The following CALD1 variants were observed in gnomAD, a reference collection of about 807,000 sequenced individuals.
CALD1 encodes the protein caldesmon.
Under a neutral mutation model 99.9 loss-of-function variants are expected in CALD1, and 33 were observed. That is an observed-to-expected ratio of 0.33 (90% CI 0.25 to 0.44). CALD1 has a LOEUF of 0.44. Ranked by LOEUF, CALD1 falls within the 20% of genes least tolerant of loss-of-function variation. The pLI, the probability that CALD1 is intolerant of heterozygous loss-of-function variation, is 1.00. For synonymous variants in CALD1, 310 were observed against 325.0 expected (o/e 0.95, Z 0.50); for missense variants, 861 against 962.1 (o/e 0.89, Z 1.39).
intron 3 of CALD1, among the ~76,000 whole-genome samples, chr7:134,871,661 G>C (rs772923839): frequency 1.6e-4 from 25 of 152,098 alleles, no homozygotes; most frequent in Non-Finnish European, 3.5e-4. Flanking sequence ...ACAGTGTGGG[G>C]GATGGGGTAT....
chr7:134,737,807 G>C, the CALD1 span, among the ~76,000 whole-genome samples: 2 of 152,160 alleles, frequency 1.3e-5, no homozygotes, highest in East Asian at 3.9e-4. Flanking sequence ...TCTCTCTGGA[G>C]TATTTTTGTA....
intron 3 of CALD1, among the ~76,000 whole-genome samples, chr7:134,874,024 G>A (rs1801229419): frequency 6.6e-6 from 1 of 152,162 alleles, no homozygotes; most frequent in African/African-American, 2.4e-5. Context: ...AGGAATGCGT[G>A]ACTGACTGAA....
chr7:134,871,531 T>C (rs540486224), intron 3 of CALD1, among the ~76,000 whole-genome samples: 1 of 152,220 alleles, frequency 6.6e-6, no homozygotes, highest in South Asian at 2.1e-4. Flanking sequence ...TTACAACCTA[T>C]CTAAAATGAA....
chr7:134,782,705 G>T (rs1797154551), intron 1 of CALD1, among the ~76,000 whole-genome samples: 1 of 152,148 alleles, frequency 6.6e-6, no homozygotes, highest in African/African-American at 2.4e-5. Flanking sequence ...CCTCTTCCCT[G>T]CAGATTCTAT....
intron 3 of CALD1, among the ~76,000 whole-genome samples, chr7:134,870,746 C>T (rs1240974247): frequency 2.0e-5 from 3 of 151,326 alleles, no homozygotes; most frequent in South Asian, 4.2e-4. Context: ...CTCTCTCTCT[C>T]GCTCTTTCTT....
chr7:134,711,660 C>CTCTATATA, the CALD1 span, among the ~76,000 whole-genome samples: 93 of 78,274 alleles, frequency 1.2e-3, no homozygotes, highest in African/African-American at 5.1e-3. Flanking sequence ...CTCTCTCTCT[C>CTCTATATA]TATATATATA....
At chr7:134,806,511 A>G (rs1404619275) in intron 1 of CALD1, among the ~76,000 whole-genome samples, 1 of 152,212 alleles carries the variant, frequency 6.6e-6, no homozygotes, top group Non-Finnish European at 1.5e-5. Flanking sequence ...TGTATTCTGG[A>G]ACCTGGAGAT....
intron 1 of CALD1, among the ~76,000 whole-genome samples, chr7:134,802,054 C>T (rs555650467): frequency 6.6e-6 from 1 of 152,124 alleles, no homozygotes; most frequent in African/African-American, 2.4e-5. Flanking sequence ...GCAAAATTTC[C>T]ACACAGAGAA....
upstream of CALD1, among the ~76,000 whole-genome samples, chr7:134,777,307 T>C (rs1181612605): frequency 2.0e-5 from 3 of 152,188 alleles, no homozygotes; most frequent in Non-Finnish European, 4.4e-5. Context: ...GTATTTCAAA[T>C]ACATAAAATA....
chr7:134,802,418 C>CTTAA (rs201878672), intron 1 of CALD1, among the ~76,000 whole-genome samples: 5 of 91,566 alleles, frequency 5.5e-5, no homozygotes. Flanking sequence ...ATTTTTTAAA[C>CTTAA]TTAATAATAT....
At chr7:134,879,410 C>T (rs1024264341) in intron 3 of CALD1, among the ~76,000 whole-genome samples, 1 of 152,218 alleles carries the variant, frequency 6.6e-6, no homozygotes, top group African/African-American at 2.4e-5. Flanking sequence ...CTATCCTAAA[C>T]CTGCATTAAC....
At chr7:134,941,031 C>T in intron 6 of CALD1, 61 bp from the exon 7 acceptor site, 1 of 1,454,368 alleles carries the variant, frequency 6.9e-7, no homozygotes, top group Non-Finnish European at 9.2e-7. Flanking sequence ...TTGATGATAC[C>T]AACCAAAACC....
chr7:134,834,443 T>C (rs948314673), intron 1 of CALD1, among the ~76,000 whole-genome samples: 1 of 152,206 alleles, frequency 6.6e-6, no homozygotes, highest in Non-Finnish European at 1.5e-5. Flanking sequence ...TGGACTTAGT[T>C]GTTAACTAAT....
intron 1 of CALD1, among the ~76,000 whole-genome samples, chr7:134,811,618 A>G (rs769210282): frequency 4.6e-5 from 7 of 152,222 alleles, no homozygotes; most frequent in African/African-American, 1.4e-4. Context: ...CACAATGGAA[A>G]TACTTAGATA....
chr7:134,788,844 G>A (rs868513071), intron 1 of CALD1, among the ~76,000 whole-genome samples: 24 of 151,852 alleles, frequency 1.6e-4, no homozygotes, highest in African/African-American at 5.6e-4. Context: ...GTGAAACACT[G>A]CCTCTACAAA....
At chr7:134,728,845 C>CTTTTTTTTT in the CALD1 span, among the ~76,000 whole-genome samples, 2 of 124,228 alleles carry the variant, frequency 1.6e-5, no homozygotes, top group African/African-American at 2.9e-5. Flanking sequence ...TATACCTTTT[C>CTTTTTTTTT]TTTTTTTTTT....
chr7:134,836,561 G>A (rs1193006201), intron 1 of CALD1, among the ~76,000 whole-genome samples: 2 of 152,076 alleles, frequency 1.3e-5, no homozygotes, highest in Admixed American at 6.6e-5. Flanking sequence ...TAGGTCTTTC[G>A]TGATGAGTGG....
intron 2 of CALD1, among the ~76,000 whole-genome samples, chr7:134,850,137 G>T (rs766876408): frequency 1.3e-5 from 2 of 152,184 alleles, no homozygotes; most frequent in African/African-American, 4.8e-5. Flanking sequence ...AACATAAACA[G>T]AAGATTCATT....
the CALD1 span, among the ~76,000 whole-genome samples, chr7:134,711,848 T>C: frequency 6.6e-6 from 1 of 150,938 alleles, no homozygotes; most frequent in Non-Finnish European, 1.5e-5. Context: ...AAAGTTAAAA[T>C]GGAGACAATG....
Sources: gnomAD v4.1 joint callset for allele counts (sites outside exome capture counted in the v4.1 genomes callset) on GRCh38, gnomAD v4.1.1 for gene constraint, MANE v1.5 for transcripts, NCBI Gene and HGNC (gene_info 2026-07-23, HGNC 2026-07-21) for gene names.